SRGAP2B: variants seen among roughly 807,000 people sequenced by gnomAD.
SRGAP2B encodes the protein SLIT-ROBO Rho GTPase activating protein 2B, also known as SLIT-ROBO Rho GTPase-activating protein 2B.
Under a neutral mutation model 22.2 loss-of-function variants are expected in SRGAP2B, and 9 were observed. The observed-to-expected ratio is 0.41, with a 90% confidence interval of 0.24 to 0.71. SRGAP2B has a LOEUF of 0.71. SRGAP2B is among the 30% of genes least tolerant of loss of function. SRGAP2B has a pLI of 0.35. For synonymous variants in SRGAP2B, 36 were observed against 87.4 expected (o/e 0.41, Z 3.28); for missense variants, 114 against 235.8 (o/e 0.48, Z 3.38).
intron 5 of SRGAP2B, among the ~76,000 whole-genome samples, chr1:144,907,136 T>C (rs1290011070): frequency 1.7e-4 from 25 of 146,472 alleles, no homozygotes; most frequent in East Asian, 5.9e-4. Context: ...GGTGTGTGTG[T>C]GCGTGTGTGT....
intron 3 of SRGAP2B, among the ~76,000 whole-genome samples, chr1:144,965,362 ACCCC>A (rs1232853354): frequency 7.4e-6 from 1 of 134,594 alleles, no homozygotes; most frequent in Non-Finnish European, 1.6e-5. Flanking sequence ...ACTGGGAGGC[ACCCC>A]CCAGCAGGGG....
intron 4 of SRGAP2B, among the ~76,000 whole-genome samples, chr1:144,923,053 T>A (rs1282959847): frequency 6.6e-6 from 1 of 150,654 alleles, no homozygotes; most frequent in Non-Finnish European, 1.5e-5. Flanking sequence ...ACAGGCATAC[T>A]CGGGACAAGG....
intron 2 of SRGAP2B, among the ~76,000 whole-genome samples, chr1:145,088,013 G>A (rs1486748108): frequency 1.3e-5 from 2 of 150,604 alleles, no homozygotes; most frequent in Non-Finnish European, 3.0e-5. Context: ...AGGGACAGGA[G>A]CCCTCAATCA....
chr1:144,941,062 C>A (rs1666003026), intron 4 of SRGAP2B, among the ~76,000 whole-genome samples: 1 of 148,138 alleles, frequency 6.8e-6, no homozygotes, highest in Non-Finnish European at 1.5e-5. Context: ...AATCATGATT[C>A]CAAGTAATTA....
At chr1:144,915,623 G>A (rs1553603777) in intron 4 of SRGAP2B, among the ~76,000 whole-genome samples, 2 of 151,122 alleles carry the variant, frequency 1.3e-5, no homozygotes. Flanking sequence ...CTACTCAGGA[G>A]GCTGAGGCAG....
intron 4 of SRGAP2B, among the ~76,000 whole-genome samples, chr1:144,931,653 A>T (rs1295821131): frequency 6.6e-6 from 1 of 150,786 alleles, no homozygotes; most frequent in Non-Finnish European, 1.5e-5. Context: ...TTTAAATCCC[A>T]TTTGCTACAT....
chr1:144,927,008 G>A (rs1347738074), intron 4 of SRGAP2B, among the ~76,000 whole-genome samples: 1 of 151,586 alleles, frequency 6.6e-6, no homozygotes, highest in East Asian at 1.9e-4. Context: ...GGAGTGTAGT[G>A]GCATGATCTC....
chr1:145,063,656 C>G (rs1441329626), intron 2 of SRGAP2B, among the ~76,000 whole-genome samples: 8 of 149,754 alleles, frequency 5.3e-5, no homozygotes, highest in African/African-American at 1.8e-4. Context: ...TTGGGGAGGG[C>G]TGCACCAATC....
chr1:144,943,811 CA>C (rs1553607872), intron 4 of SRGAP2B, among the ~76,000 whole-genome samples: 2 of 149,404 alleles, frequency 1.3e-5, no homozygotes, highest in East Asian at 3.9e-4. Context: ...GAAAACTATC[CA>C]AATGCCATCA....
At chr1:145,068,691 GA>G (rs1329754461) in intron 2 of SRGAP2B, among the ~76,000 whole-genome samples, 1 of 126,032 alleles carries the variant, frequency 7.9e-6, no homozygotes, top group Non-Finnish European at 1.6e-5. Context: ...CAATGCAGTA[GA>G]AACATTTTGA....
chr1:144,975,185 C>T (rs1265876293), intron 3 of SRGAP2B, among the ~76,000 whole-genome samples: 2 of 149,138 alleles, frequency 1.3e-5, no homozygotes, highest in African/African-American at 5.1e-5. Context: ...AAAGGTTTGG[C>T]AGTGAGAAAT....
intron 6 of SRGAP2B, among the ~76,000 whole-genome samples, chr1:144,905,448 T>G (rs1303024402): frequency 2.0e-5 from 3 of 149,894 alleles, no homozygotes; most frequent in Admixed American, 1.3e-4. Context: ...CCCACTTTGA[T>G]TCTATCTTCA....
intron 2 of SRGAP2B, among the ~76,000 whole-genome samples, chr1:145,090,546 T>C (rs2102505683): frequency 6.7e-6 from 1 of 148,202 alleles, no homozygotes; most frequent in South Asian, 2.1e-4. Flanking sequence ...GACTGGAACA[T>C]AATGAGCAAC....
At position 144,921,341 on chromosome 1, in the gene SRGAP2B, C is replaced by A. The variant is rs781794776; in HGVS notation, c.424-6587G>T. Among the ~76,000 whole-genome samples, 101 of 128,110 alleles carry A rather than the reference C, an allele frequency of 7.9e-4. 2 individuals are homozygous for A. Among genetic ancestry groups the A allele is most frequent in the Non-Finnish European group, 9.9e-4 (61 of 61,722 alleles). The allele number at this position is 128,110 out of a possible 152,430, so 84.0% of individuals were successfully genotyped here. On this transcript the variant is annotated intron_variant, in intron 4 of 9. Transcript: ENST00000612199. ...AGCTATTACATAGTAAATTCTTTTT[C>A]TTTGGGTTTGTCTTTCTAAGTTACT...
chr1:144,998,746 C>G (rs1201312458), intron 2 of SRGAP2B, among the ~76,000 whole-genome samples: 6 of 151,134 alleles, frequency 4.0e-5, no homozygotes, highest in Non-Finnish European at 8.8e-5. Flanking sequence ...ATTCTAACTA[C>G]TCTCACTCTT....
intron 3 of SRGAP2B, among the ~76,000 whole-genome samples, chr1:144,993,976 A>G (rs1553617996): frequency 5.3e-5 from 8 of 150,018 alleles, no homozygotes; most frequent in Non-Finnish European, 3.0e-5. Flanking sequence ...TTTTTTTGCA[A>G]TTTTTTTTAA....
chr1:145,081,198 C>T (rs587643389), intron 2 of SRGAP2B, among the ~76,000 whole-genome samples: 3 of 148,564 alleles, frequency 2.0e-5, no homozygotes, highest in Non-Finnish European at 4.4e-5. Flanking sequence ...CCTCACTGTG[C>T]GTCATCTGTA....
At chr1:144,954,553 G>A (rs1252268025) in intron 4 of SRGAP2B, among the ~76,000 whole-genome samples, 4 of 150,612 alleles carry the variant, frequency 2.7e-5, no homozygotes, top group Admixed American at 6.6e-5. Context: ...GTCAATGCTT[G>A]AATGGTAGAC....
rs1668066269 is a variant in SRGAP2B at position 144,966,128 on chromosome 1, G to A, written c.261-10527C>T. 2.0e-5 allele frequency among the ~76,000 whole-genome samples: 3 copies of A among 148,018 alleles called. 1 individual carries two copies. Among genetic ancestry groups the A allele is most frequent in the Admixed American group, 2.0e-4 (3 of 14,932 alleles). On this transcript the variant is annotated intron_variant, in intron 3 of 9. Transcript: ENST00000612199. The stretch of plus-strand genomic sequence containing the variant: ...AAGGCAGGCCAACGTTCAGATTCAG[G>A]AAATACAGAGAACGCCACAAAGACA...
Sources: allele counts gnomAD v4.1 joint callset (sites outside exome capture counted in the v4.1 genomes callset), GRCh38; gene constraint gnomAD v4.1.1; transcripts MANE v1.5; gene names NCBI Gene and HGNC (gene_info 2026-07-23, HGNC 2026-07-21).